The following UBE2B variants were observed in gnomAD, a reference collection of about 807,000 sequenced individuals.
UBE2B encodes the protein ubiquitin conjugating enzyme E2 B, also known as ubiquitin-conjugating enzyme E2 B.
In UBE2B, 11 loss-of-function variants were observed where a neutral mutation model predicts 24.6. The ratio of observed to expected loss-of-function variants is 0.45; its 90% CI spans 0.28 to 0.74. The LOEUF (loss-of-function observed/expected upper bound fraction) is 0.74, where lower values mean the gene tolerates loss of function less well. Ranked by LOEUF, UBE2B falls within the 30% of genes least tolerant of loss-of-function variation. The pLI is 0.13. For synonymous variants in UBE2B, 68 were observed against 62.4 expected (o/e 1.09, Z -0.42); for missense variants, 78 against 185.6 (o/e 0.42, Z 3.37).
At chr5:134,387,257 C>T (rs958424278) in intron 4 of UBE2B, among the ~76,000 whole-genome samples, 2 of 152,118 alleles carry the variant, frequency 1.3e-5, no homozygotes, top group African/African-American at 4.8e-5. Flanking sequence ...TGCGCCTGGC[C>T]TTCTACTCTT....
chr5:134,383,339 T>A lies in UBE2B; in HGVS notation c.241+2531T>A, dbSNP rs952857892. Among the ~76,000 whole-genome samples the A allele has an allele frequency of 7.2e-5, 11 of 152,086 alleles. 1 individual carries two copies. The highest frequency in any genetic ancestry group is 1.6e-4 in the Non-Finnish European group (11 of 68,022). ...ATTTTTTTGTTGTTGAGAAAAACAC[T>A]TGCTGTGTCACACAGGCTGGAGTAC... On this transcript the variant is annotated intron_variant, in intron 4 of 5. Transcript: ENST00000265339.
chr5:134,374,389 A>G lies in UBE2B; in HGVS notation c.51A>G (p.Gln17=). 1 of 1,554,472 alleles carries G rather than the reference A, an allele frequency of 6.4e-7. No individual in the cohort carries two copies. Among genetic ancestry groups the G allele is most frequent in the Non-Finnish European group, 8.7e-7 (1 of 1,148,150 alleles). Residue 17 remains glutamine, a synonymous_variant, in exon 2 of 6, where the codon CAA becomes CAG. Coordinates refer to ENST00000265339, the MANE Select transcript of UBE2B (RefSeq NM_003337.4). ...TACCACGCTGGATTTCCAGGTTACA[A>G]GAGGACCCACCTGTGGGTGTCAGTG... ...RRLMRDFKRL[Q]EDPPVGVSGA...
chr5:134,388,438 T>C (rs1400177070), intron 5 of UBE2B, 25 bp downstream of exon 5: 1 of 1,602,364 alleles, frequency 6.2e-7, no homozygotes, highest in Non-Finnish European at 8.6e-7. Context: ...GGATGTATTA[T>C]AATTTGTCAG....
chr5:134,383,368 C>A (rs532595084), intron 4 of UBE2B, among the ~76,000 whole-genome samples: 27 of 150,884 alleles, frequency 1.8e-4, no homozygotes, highest in African/African-American at 6.6e-4. Flanking sequence ...GGAGTACAGT[C>A]GTGTGATCTC....
At chr5:134,381,047 A>G (rs1320449587) in intron 4 of UBE2B, among the ~76,000 whole-genome samples, 11 of 142,024 alleles carry the variant, frequency 7.7e-5, no homozygotes, top group Non-Finnish European at 1.5e-4. Flanking sequence ...GCTCACTGCA[A>G]GCTCCGCCTC....
At chr5:134,379,781 G>T (rs916193061) in intron 3 of UBE2B, among the ~76,000 whole-genome samples, 2 of 152,046 alleles carry the variant, frequency 1.3e-5, no homozygotes, top group South Asian at 2.1e-4. Flanking sequence ...GCAGATAAGA[G>T]AATCCAGCTA....
At chr5:134,380,909 G>A (rs1192438142) in intron 4 of UBE2B, 101 bp downstream of exon 4, 2 of 577,020 alleles carry the variant, frequency 3.5e-6, no homozygotes, top group Non-Finnish European at 6.2e-6. Context: ...GGGCTCACTT[G>A]TAGGTGTTGC....
Position 134,371,592 on chromosome 5 carries a change from G to A in UBE2B, c.-4G>A. On this transcript the variant is annotated 5_prime_UTR_variant, in exon 1 of 6. Coordinates refer to ENST00000265339, the MANE Select transcript of UBE2B (RefSeq NM_003337.4). ...TCAGACTGACCGCGGGGCAGCTGCG[G>A]AGCATGTCGACCCCGGCCCGGAGGA... 2 of 1,612,862 alleles carry A rather than the reference G, an allele frequency of 1.2e-6. No individual in the cohort carries two copies. Among genetic ancestry groups the A allele is most frequent in the South Asian group, 1.1e-5 (1 of 91,068 alleles).
At chr5:134,371,850 C>G (rs891768837) in intron 1 of UBE2B, among the ~76,000 whole-genome samples, 1 of 152,220 alleles carries the variant, frequency 6.6e-6, no homozygotes, top group Non-Finnish European at 1.5e-5. Flanking sequence ...TGCTTCCCCT[C>G]CCCACAAAAA....
chr5:134,383,697 G>A (rs1393417314), intron 4 of UBE2B, among the ~76,000 whole-genome samples: 4 of 151,974 alleles, frequency 2.6e-5, no homozygotes, highest in Non-Finnish European at 5.9e-5. Flanking sequence ...CTGACCTCAG[G>A]TGATCCGCCT....
At chr5:134,387,606 C>T (rs1758828161) in intron 4 of UBE2B, among the ~76,000 whole-genome samples, 2 of 152,112 alleles carry the variant, frequency 1.3e-5, no homozygotes, top group African/African-American at 4.8e-5. Flanking sequence ...AGCACCTAAG[C>T]AAGGTCCTTG....
intron 4 of UBE2B, among the ~76,000 whole-genome samples, chr5:134,381,025 G>A (rs1442799264): frequency 7.3e-6 from 1 of 136,952 alleles, no homozygotes. Flanking sequence ...GGAGTGCAGT[G>A]GCGCGATCTC....
chr5:134,386,021 A>G (rs1476454622), intron 4 of UBE2B, among the ~76,000 whole-genome samples: 1 of 145,458 alleles, frequency 6.9e-6, no homozygotes, highest in African/African-American at 2.6e-5. Flanking sequence ...TCAAAAAAAA[A>G]GAAAAAGAAA....
chr5:134,377,311 A>C (rs1233862742), intron 3 of UBE2B, among the ~76,000 whole-genome samples: 1 of 152,228 alleles, frequency 6.6e-6, no homozygotes, highest in Admixed American at 6.5e-5. Flanking sequence ...CTTTGTTATC[A>C]TTAACAAAAT....
At chr5:134,388,205 A>T (rs1346639325) in intron 4 of UBE2B, 120 bp from the exon 5 acceptor site, 1 of 793,464 alleles carries the variant, frequency 1.3e-6, no homozygotes, top group Non-Finnish European at 2.1e-6. Context: ...TGTGATACAG[A>T]AGAATTTAGT....
intron 1 of UBE2B, among the ~76,000 whole-genome samples, chr5:134,372,432 A>C (rs931996807): frequency 1.3e-5 from 2 of 152,344 alleles, no homozygotes; most frequent in East Asian, 3.9e-4. Flanking sequence ...TGTGAGATAG[A>C]AAATGATTAT....
chr5:134,372,515 T>A (rs1433372190), intron 1 of UBE2B, among the ~76,000 whole-genome samples: 1 of 152,236 alleles, frequency 6.6e-6, no homozygotes, highest in Middle Eastern at 3.2e-3. Flanking sequence ...TTTGATACTC[T>A]GCACATTTTT....
At chr5:134,376,338 A>ATATATATATATATATATATATATAT (rs1276778610) in intron 2 of UBE2B, among the ~76,000 whole-genome samples, 2 of 4,378 alleles carry the variant, frequency 4.6e-4, no homozygotes, top group Non-Finnish European at 1.5e-3. Flanking sequence ...AAAAAAAAAA[A>ATATATATATATATATATATATATAT]AAAAAAAAAA....
In UBE2B at chr5:134,388,431, T is replaced by C. The variant is rs1758841521; in HGVS notation, c.330+18T>C. ...CAATTCAGGTAAGTGTGTGTTAGGA[T>C]GTATTATAATTTGTCAGTATTCTGT... On this transcript the variant is annotated intron_variant, in intron 5 of 5. Transcript: ENST00000265339. 1 of 1,606,596 alleles carries C rather than the reference T, an allele frequency of 6.2e-7. No homozygotes were observed. Among genetic ancestry groups the C allele is most frequent in the Non-Finnish European group, 8.5e-7 (1 of 1,173,314 alleles).
Sources: gnomAD v4.1 joint callset for allele counts (sites outside exome capture counted in the v4.1 genomes callset) on GRCh38, gnomAD v4.1.1 for gene constraint, MANE v1.5 for transcripts, NCBI Gene and HGNC (gene_info 2026-07-23, HGNC 2026-07-21) for gene names.